The following PABIR3 variants were observed in gnomAD, a reference collection of about 807,000 sequenced individuals.
PABIR3 encodes PABIR family member 3.
A neutral mutation model predicts 23.1 loss-of-function variants in PABIR3; 20 were observed. That is an observed-to-expected ratio of 0.86 (90% CI 0.61 to 1.26). PABIR3 has a LOEUF of 1.26. Ranked by LOEUF, PABIR3 falls within the 50% of genes most tolerant of loss-of-function variation. PABIR3 has a pLI of 0.00. For missense variants in PABIR3, 189 were observed against 195.4 expected (o/e 0.97, Z 0.20); for synonymous variants, 69 against 68.5 (o/e 1.01, Z -0.04).
At chrX:134,858,248 T>A (rs1431480033), downstream of PABIR3, among the ~76,000 whole-genome samples, 1 of 111,940 alleles carries the variant, frequency 8.9e-6, no homozygotes, top group African/African-American at 3.2e-5. Context: ...TTCATTGTAT[T>A]GTTGGACAGC....
chrX:134,808,248 G>T, intron 2 of PABIR3: 4 of 293,811 alleles, frequency 1.4e-5, no homozygotes, highest in Non-Finnish European at 1.2e-5. Context: ...GGAGTGCATT[G>T]GCACGATCTC....
At chrX:134,852,198 G>A (rs906364825) in intron 9 of PABIR3, among the ~76,000 whole-genome samples, 5 of 112,109 alleles carry the variant, frequency 4.5e-5, no homozygotes, top group African/African-American at 1.3e-4. Flanking sequence ...TTGCAGGCCG[G>A]GCACAGTGGC....
At chrX:134,810,900 C>G (rs1296964132) in intron 2 of PABIR3, 1 of 752,241 alleles carries the variant, frequency 1.3e-6, no homozygotes, top group African/African-American at 2.3e-5. Flanking sequence ...TGATGTGTGA[C>G]ATGCCTGAGG....
intron 4 of PABIR3, among the ~76,000 whole-genome samples, chrX:134,840,986 G>T (rs1358893004): frequency 1.8e-5 from 2 of 110,256 alleles, no homozygotes; most frequent in Admixed American, 9.8e-5. Context: ...TTGAGACAGG[G>T]TCTCATATTG....
chrX:134,818,715 T>C (rs1051309599), intron 3 of PABIR3, among the ~76,000 whole-genome samples: 2 of 110,568 alleles, frequency 1.8e-5, no homozygotes, highest in Non-Finnish European at 1.9e-5. Context: ...AAAATGGGAA[T>C]GTAAAAGTAA....
intron 3 of PABIR3, chrX:134,821,196 T>C: frequency 1.6e-6 from 1 of 637,035 alleles, no homozygotes; most frequent in Admixed American, 4.4e-5. Context: ...CCATGGGTTT[T>C]TGTGTTGAAT....
chrX:134,829,238 C>G lies in PABIR3; in HGVS notation c.202C>G (p.Pro68Ala). 8.3e-7 allele frequency: 1 copy of G among 1,208,383 alleles called. No individual in the cohort carries two copies. The change falls in exon 4 of 11, where the codon CCT becomes GCT. Residue 68 changes from proline (P) to alanine (A), a missense_variant. By Grantham distance (27) the Pro-to-Ala change is conservative. Coordinates refer to ENST00000645433, the MANE Select transcript of PABIR3 (RefSeq NM_001388447.1). ...TTTTAAATTTCAGTTGTTGCCACCT[C>G]CTCCCTTTCATGGTTCCATCAGCCG... is the stretch of plus-strand genomic sequence containing the variant. ...RNRRSLLLPP[P>A]PFHGSISRLH...
chrX:134,828,004 C>T (rs890107767), intron 3 of PABIR3, among the ~76,000 whole-genome samples: 14 of 95,409 alleles, frequency 1.5e-4, no homozygotes, highest in Non-Finnish European at 2.5e-4. Flanking sequence ...CAGAGTCTAG[C>T]TCAGTGCTCT....
chrX:134,828,047 C>CTCTCTCTCTCTCTCTCTCTATATATATA (rs1466733144), intron 3 of PABIR3, among the ~76,000 whole-genome samples: 1 of 49,420 alleles, frequency 2.0e-5, no homozygotes, highest in African/African-American at 8.2e-5. Flanking sequence ...CTCTCTCTCT[C>CTCTCTCTCTCTCTCTCTCTATATATATA]TATATATATA....
At chrX:134,807,070 G>A, upstream of PABIR3, 1 of 561,599 alleles carries the variant, frequency 1.8e-6, no homozygotes, top group Non-Finnish European at 2.2e-6. Flanking sequence ...AGGACATGGG[G>A]ATAAAGCGGT....
At chrX:134,840,775 C>T (rs2082204799) in intron 4 of PABIR3, among the ~76,000 whole-genome samples, 1 of 110,657 alleles carries the variant, frequency 9.0e-6, no homozygotes, top group African/African-American at 3.3e-5. Context: ...TTTTCTCTCT[C>T]ATTACTTTGT....
intron 3 of PABIR3, among the ~76,000 whole-genome samples, chrX:134,824,519 G>A (rs911632508): frequency 8.9e-6 from 1 of 112,206 alleles, no homozygotes. Context: ...AAAGATCAGG[G>A]CCAGGCCCGG....
intron 4 of PABIR3, among the ~76,000 whole-genome samples, chrX:134,841,882 G>T (rs1465858842): frequency 9.0e-6 from 1 of 111,253 alleles, no homozygotes; most frequent in Non-Finnish European, 1.9e-5. Context: ...AGTTACTTAG[G>T]AAGCTGAGAC....
At chrX:134,851,390 G>T (rs2082627342) in intron 9 of PABIR3, among the ~76,000 whole-genome samples, 1 of 110,091 alleles carries the variant, frequency 9.1e-6, no homozygotes, top group Admixed American at 9.8e-5. Flanking sequence ...ACAAAAATTA[G>T]CCAAGGGTGG....
intron 2 of PABIR3, chrX:134,810,052 C>T: frequency 1.3e-6 from 1 of 754,232 alleles, no homozygotes; most frequent in East Asian, 1.5e-4. Context: ...ATGGGACCCA[C>T]TCTACTAGTA....
At chrX:134,830,435 C>T (rs1402509294) in intron 4 of PABIR3, among the ~76,000 whole-genome samples, 1 of 100,691 alleles carries the variant, frequency 9.9e-6, no homozygotes, top group Non-Finnish European at 2.0e-5. Context: ...CAGGTTCAAG[C>T]GATTCTCCTG....
chrX:134,853,223 G>A (rs891381294), intron 10 of PABIR3, among the ~76,000 whole-genome samples: 16 of 109,715 alleles, frequency 1.5e-4, no homozygotes, highest in African/African-American at 5.0e-4. Context: ...GTGCACCACC[G>A]CGCCTGGCTA....
intron 3 of PABIR3, among the ~76,000 whole-genome samples, chrX:134,819,467 T>G (rs767806989): frequency 8.9e-6 from 1 of 111,932 alleles, no homozygotes; most frequent in Non-Finnish European, 1.9e-5. Context: ...AAGTATCACT[T>G]CATTATTATT....
chrX:134,822,077 C>G, intron 3 of PABIR3: 1 of 754,289 alleles, frequency 1.3e-6, no homozygotes, highest in Non-Finnish European at 1.6e-6. Flanking sequence ...CCTAACCTCC[C>G]GCTACTTCTA....
Sources: allele counts gnomAD v4.1 joint callset (sites outside exome capture counted in the v4.1 genomes callset), GRCh38; gene constraint gnomAD v4.1.1; transcripts MANE v1.5; gene names NCBI Gene and HGNC (gene_info 2026-07-23, HGNC 2026-07-21).